SH3BGRL2: variants seen among roughly 807,000 people sequenced by gnomAD.
SH3BGRL2 encodes SH3 domain-binding glutamic acid-rich-like protein 2.
SH3BGRL2 carries 21 observed loss-of-function variants against 14.8 expected under a neutral mutation model. That is an observed-to-expected ratio of 1.42 (90% CI 1.01 to 2.05). The LOEUF (loss-of-function observed/expected upper bound fraction) is 2.05, where lower values mean the gene tolerates loss of function less well. SH3BGRL2 is among the 30% of genes most tolerant of loss of function. The probability of loss-of-function intolerance (pLI) is 0.00; values close to 1 mark genes in which losing one functional copy is unlikely to be tolerated. For synonymous variants in SH3BGRL2, 50 were observed against 47.8 expected, an observed-to-expected ratio of 1.05 and a Z score of -0.19; for missense variants, 147 against 130.8, an observed-to-expected ratio of 1.12 and a Z score of -0.61.
the SH3BGRL2 span, among the ~76,000 whole-genome samples, chr6:79,593,146 ATGT>A: frequency 2.0e-5 from 3 of 152,222 alleles, no homozygotes; most frequent in Non-Finnish European, 4.4e-5. Context: ...TTAGTTTAAA[ATGT>A]TGTTAACTAA....
chr6:79,696,673 T>C, intron 3 of SH3BGRL2, 108 bp downstream of exon 3: 1 of 774,720 alleles, frequency 1.3e-6, no homozygotes, highest in Non-Finnish European at 2.0e-6. Flanking sequence ...TTCTTAGATT[T>C]GGGGGTTTTG....
chr6:79,550,916 T>G, the SH3BGRL2 span, among the ~76,000 whole-genome samples: 420 of 152,310 alleles, frequency 2.8e-3, 5 homozygotes, highest in African/African-American at 9.6e-3. Context: ...TTCATACTTT[T>G]CTACCAATGC....
chr6:79,638,628 C>T (rs188225983), intron 1 of SH3BGRL2, among the ~76,000 whole-genome samples: 276 of 152,078 alleles, frequency 1.8e-3, no homozygotes, highest in African/African-American at 6.5e-3. Flanking sequence ...GGGGCCTTTT[C>T]GATAATAGTC....
chr6:79,587,748 T>C, the SH3BGRL2 span, among the ~76,000 whole-genome samples: 2 of 152,230 alleles, frequency 1.3e-5, no homozygotes, highest in Non-Finnish European at 2.9e-5. Flanking sequence ...TTTTACTTGA[T>C]GTCAATATTT....
chr6:79,641,977 A>G (rs1168578488), intron 1 of SH3BGRL2, among the ~76,000 whole-genome samples: 1 of 152,142 alleles, frequency 6.6e-6, no homozygotes, highest in African/African-American at 2.4e-5. Flanking sequence ...TTCTGCTGTA[A>G]TGTTTGGATA....
chr6:79,677,453 AG>A (rs973589261), intron 2 of SH3BGRL2, among the ~76,000 whole-genome samples: 5 of 152,168 alleles, frequency 3.3e-5, no homozygotes, highest in African/African-American at 4.8e-5. Context: ...ATGACCAATC[AG>A]TTTTTTCTAC....
chr6:79,697,461 A>G (rs757924680), intron 3 of SH3BGRL2, among the ~76,000 whole-genome samples: 15 of 152,230 alleles, frequency 9.9e-5, no homozygotes, highest in Admixed American at 3.9e-4. Flanking sequence ...TTGATGTCTT[A>G]AAATAGTAGG....
At chr6:79,594,025 C>CAA in the SH3BGRL2 span, among the ~76,000 whole-genome samples, 6,457 of 134,388 alleles carry the variant, frequency 0.048, 261 homozygotes, top group South Asian at 0.22. Context: ...GACTCTGTCT[C>CAA]AAAAAAAAAA....
At chr6:79,612,086 A>C in the SH3BGRL2 span, among the ~76,000 whole-genome samples, 1 of 152,120 alleles carries the variant, frequency 6.6e-6, no homozygotes. Flanking sequence ...TCATGAGGTC[A>C]GGAGTTCGAG....
chr6:79,595,158 T>A, the SH3BGRL2 span, among the ~76,000 whole-genome samples: 3 of 152,144 alleles, frequency 2.0e-5, no homozygotes, highest in Admixed American at 6.6e-5. Flanking sequence ...TAGCGGCCCA[T>A]GCCTGTAATT....
At chr6:79,675,744 T>G (rs553751262) in intron 2 of SH3BGRL2, among the ~76,000 whole-genome samples, 10 of 152,320 alleles carry the variant, frequency 6.6e-5, no homozygotes, top group Non-Finnish European at 1.3e-4. Flanking sequence ...TTCTTTTAAA[T>G]AATGTTGTAT....
At chr6:79,568,039 C>T in the SH3BGRL2 span, among the ~76,000 whole-genome samples, 1 of 152,150 alleles carries the variant, frequency 6.6e-6, no homozygotes, top group African/African-American at 2.4e-5. Context: ...GTACCCAAAA[C>T]ATTGGCAAAA....
rs1456414964 is a variant in SH3BGRL2, at chr6:79,693,228, A to G, written c.232-3257A>G. ...GTTTTGTATCCTGAGACTTTGCTGA[A>G]GTTGCTTATCAGCTGAAGGAGATTT... On this transcript the variant is annotated intron_variant, in intron 2 of 3. Transcript: ENST00000369838. Among the ~76,000 whole-genome samples, 9 of 152,346 alleles carry G rather than the reference A, an allele frequency of 5.9e-5. No homozygotes were observed. The East Asian group carries it at 1.4e-3, about 23-fold the overall frequency.
the SH3BGRL2 span, among the ~76,000 whole-genome samples, chr6:79,591,907 T>C: frequency 6.6e-6 from 1 of 152,178 alleles, no homozygotes; most frequent in African/African-American, 2.4e-5. Context: ...TATTATATAA[T>C]GATGACGTTG....
At chr6:79,642,323 A>G (rs1318087889) in intron 1 of SH3BGRL2, among the ~76,000 whole-genome samples, 1 of 152,216 alleles carries the variant, frequency 6.6e-6, no homozygotes, top group African/African-American at 2.4e-5. Context: ...CATGTTTTAC[A>G]TAGGTTATAT....
chr6:79,640,110 T>G (rs2127723532), intron 1 of SH3BGRL2, among the ~76,000 whole-genome samples: 1 of 152,144 alleles, frequency 6.6e-6, no homozygotes, highest in Admixed American at 6.5e-5. Context: ...TGTTAGTTTT[T>G]GGGGGGCACT....
At chr6:79,601,598 C>T in the SH3BGRL2 span, among the ~76,000 whole-genome samples, 1 of 152,114 alleles carries the variant, frequency 6.6e-6, no homozygotes, top group South Asian at 2.1e-4. Context: ...AAAGTTAAAC[C>T]ATTTAGTTGA....
chr6:79,640,159 G>A (rs1255785582), intron 1 of SH3BGRL2, among the ~76,000 whole-genome samples: 1 of 152,126 alleles, frequency 6.6e-6, no homozygotes, highest in Non-Finnish European at 1.5e-5. Flanking sequence ...GGGAGGAGCT[G>A]GAGGTTGGAA....
the SH3BGRL2 span, among the ~76,000 whole-genome samples, chr6:79,549,619 C>T: frequency 6.6e-5 from 10 of 152,156 alleles, no homozygotes; most frequent in African/African-American, 2.2e-4. Context: ...ACCATATAGC[C>T]GAGGTGTGTA....
Sources: allele counts gnomAD v4.1 joint callset (sites outside exome capture counted in the v4.1 genomes callset), GRCh38; gene constraint gnomAD v4.1.1; transcripts MANE v1.5; gene names NCBI Gene and HGNC (gene_info 2026-07-23, HGNC 2026-07-21).